The following LAMB3 variants were observed in gnomAD, a reference collection of about 807,000 sequenced individuals.
LAMB3 encodes laminin subunit beta 3, also known as laminin subunit beta-3.
A neutral mutation model predicts 140.3 loss-of-function variants in LAMB3; 104 were observed. The ratio of observed to expected loss-of-function variants is 0.74; its 90% confidence interval spans 0.63 to 0.87. The LOEUF is 0.87. Among genes scored for constraint, LAMB3 ranks in the 40% least tolerant of loss-of-function variants. The pLI is 0.00. For missense variants in LAMB3, 1,531 were observed against 1,575.2 expected, an observed-to-expected ratio of 0.97 and a Z score of 0.47; for synonymous variants, 592 against 602.9, an observed-to-expected ratio of 0.98 and a Z score of 0.26.
rs903363485 is a variant in LAMB3 at position 209,627,231 on chromosome 1, T to C, written c.1485+152A>G. 31 of 698,410 alleles carry C rather than the reference T, an allele frequency of 4.4e-5. No individual in the cohort carries two copies. The Admixed American group carries it at 7.0e-4, about 16-fold the overall frequency. 43.3% of individuals were successfully genotyped at this position (698,410 alleles called of 1,614,324 possible). ...GCCAAGAGCCACAGAGGGAGGGACA[T>C]CTGGTGACTTCCCCAAATGAGAACG... On this transcript the variant is annotated intron_variant, in intron 12 of 22. Coordinates refer to ENST00000356082, the MANE Select transcript of LAMB3 (RefSeq NM_000228.3).
At position 209,628,049 on chromosome 1, in the gene LAMB3, G is replaced by T. The variant is rs150917125; in HGVS notation, c.1274C>A (p.Pro425Gln). The T allele has an allele frequency of 6.2e-7, 1 of 1,605,888 alleles. No individual in the cohort carries two copies. ...CCCCTACTCACGGTGGCAGCCCTGC[G>T]GGTTGGCGTAGGTGAGTCCAGTGAA... ...PGFTGLTYAN[P>Q]QGCHRCDCNI... The change falls in exon 11 of 23, where the codon CCG becomes CAG. Residue 425 changes from proline to glutamine, a missense_variant. By Grantham distance (76) the Pro-to-Gln change is moderately conservative. Coordinates refer to ENST00000356082, the MANE Select transcript of LAMB3 (RefSeq NM_000228.3).
intron 18 of LAMB3, among the ~76,000 whole-genome samples, chr1:209,619,806 C>T (rs1186848334): frequency 6.6e-6 from 1 of 152,214 alleles, no homozygotes; most frequent in Non-Finnish European, 1.5e-5. Flanking sequence ...TCACACAGGT[C>T]TCATTCCCTG....
rs1483183175 is a variant in LAMB3 at position 209,632,750 on chromosome 1, C to G, written c.655G>C (p.Val219Leu). 1 of 1,614,218 alleles carries G rather than the reference C, an allele frequency of 6.2e-7. No individual in the cohort carries two copies. Among genetic ancestry groups the G allele is most frequent in the East Asian group, 2.2e-5 (1 of 44,874 alleles). The part of the protein sequence containing the change: ...QEVGEITNLR[V>L]NFTRLAPVPQ... ...ACAGGGGCCAGCCTGGTGAAATTGA[C>G]TCTCAAGTTTGTGATCTCCCCCACC... Residue 219 changes from valine (V) to leucine (L), a missense_variant, in exon 8 of 23, where the codon GTC (valine) becomes CTC (leucine). Coordinates refer to ENST00000356082, the MANE Select transcript of LAMB3 (RefSeq NM_000228.3).
At chr1:209,651,581 A>C (rs1314262756) in intron 1 of LAMB3, among the ~76,000 whole-genome samples, 3 of 152,156 alleles carry the variant, frequency 2.0e-5, no homozygotes, top group African/African-American at 7.2e-5. Flanking sequence ...GTCTTTAACA[A>C]GTGAGTGAGG....
chr1:209,625,813 T>C lies in LAMB3; in HGVS notation c.1811A>G (p.Asn604Ser), dbSNP rs1666419641. The C allele has an allele frequency of 6.2e-7, 1 of 1,614,122 alleles. No homozygotes were observed. The highest frequency in any genetic ancestry group is 1.3e-5 in the African/African-American group (1 of 75,066). The change falls in exon 14 of 23, where the codon AAT (asparagine) becomes AGT (serine). Residue 604 changes from asparagine (N) to serine (S), a missense_variant. Transcript: ENST00000356082. ...CCCTGACCACAGGCTGGCGGTGGCA[T>C]TGCGGAGTCTACCAAAGCGCAGGGC... ...EQALRFGRLRNATASLWSGPG... is the reference protein window; with the variant it reads ...EQALRFGRLRSATASLWSGPG...
At chr1:209,647,847 A>G (rs1443695969) in intron 3 of LAMB3, among the ~76,000 whole-genome samples, 2 of 152,228 alleles carry the variant, frequency 1.3e-5, no homozygotes, top group African/African-American at 2.4e-5. Flanking sequence ...GTGTTATAAG[A>G]ATTATTTGAG....
intron 3 of LAMB3, among the ~76,000 whole-genome samples, chr1:209,643,778 G>A (rs1050429832): frequency 4.6e-5 from 7 of 151,810 alleles, no homozygotes; most frequent in East Asian, 1.9e-4. Context: ...AGCTACGATC[G>A]GGTCATGGCC....
At chr1:209,627,683 AG>A in intron 11 of LAMB3, 104 bp from the exon 12 acceptor site, 1 of 1,086,260 alleles carries the variant, frequency 9.2e-7, no homozygotes, top group Non-Finnish European at 1.4e-6. Flanking sequence ...AGAACTGGGC[AG>A]GGCCCTTCCC....
At chr1:209,626,714 G>A (rs376082100) in intron 13 of LAMB3, among the ~76,000 whole-genome samples, 153 bp downstream of exon 13, 56 of 152,228 alleles carry the variant, frequency 3.7e-4, no homozygotes, top group Non-Finnish European at 6.0e-4. Flanking sequence ...CCAACAGGCC[G>A]GAGTGTGTGC....
In LAMB3 at chr1:209,629,730, T is replaced by A; in HGVS notation, c.1132+7A>T. The A allele has an allele frequency of 6.2e-7, 1 of 1,613,822 alleles. No homozygotes were observed. The highest frequency in any genetic ancestry group is 8.5e-7 in the Non-Finnish European group (1 of 1,179,736). Reference sequence around the variant, plus strand: ...TGACACTCTGGGACTCCGGAGCCTCTACTCACAGATGCAGGTCTCCTGAAT... The same window carrying A: ...TGACACTCTGGGACTCCGGAGCCTCAACTCACAGATGCAGGTCTCCTGAAT... On this transcript the variant is annotated splice_region_variant and intron_variant, in intron 10 of 22. Coordinates refer to ENST00000356082, the MANE Select transcript of LAMB3 (RefSeq NM_000228.3).
chr1:209,641,267 A>G (rs1196076988), intron 3 of LAMB3, among the ~76,000 whole-genome samples: 1 of 152,204 alleles, frequency 6.6e-6, no homozygotes, highest in Non-Finnish European at 1.5e-5. Context: ...GGGGTGGAAG[A>G]GTGAGTAGGT....
At chr1:209,618,928 G>T in intron 18 of LAMB3, 1 of 539,972 alleles carries the variant, frequency 1.9e-6, no homozygotes, top group East Asian at 3.3e-5. Flanking sequence ...TAAGTGTCTG[G>T]TGCCACAGGA....
At chr1:209,618,318 T>G (rs1666059410) in intron 19 of LAMB3, 134 bp downstream of exon 19, 1 of 966,600 alleles carries the variant, frequency 1.0e-6, no homozygotes, top group Non-Finnish European at 1.6e-6. Flanking sequence ...CTGGACTCTG[T>G]GTACCACTCT....
At chr1:209,644,382 C>T (rs968746034) in intron 3 of LAMB3, among the ~76,000 whole-genome samples, 4 of 152,202 alleles carry the variant, frequency 2.6e-5, no homozygotes, top group Non-Finnish European at 4.4e-5. Context: ...AATTACACTG[C>T]ACCAGCCTCA....
At chr1:209,629,960 C>A (rs745974696) in intron 9 of LAMB3, 35 bp from the exon 10 acceptor site, 1 of 1,599,288 alleles carries the variant, frequency 6.3e-7, no homozygotes, top group South Asian at 1.1e-5. Flanking sequence ...GACATCTGAC[C>A]CACACCTTTG....
At chr1:209,633,862 T>C (rs747903713) in intron 6 of LAMB3, among the ~76,000 whole-genome samples, 2 of 152,082 alleles carry the variant, frequency 1.3e-5, no homozygotes, top group African/African-American at 4.8e-5. Context: ...GGAAACGCAG[T>C]TATGAAAGAA....
rs1039342968 is a variant in LAMB3 at position 209,615,103 on chromosome 1, T to C, written c.*168A>G. The C allele has an allele frequency of 5.4e-6, 4 of 735,032 alleles. No individual in the cohort carries two copies. The highest frequency in any genetic ancestry group is 9.0e-6 in the Non-Finnish European group (4 of 445,968). The allele number at this position is 735,032 out of a possible 1,614,324, so 45.5% of individuals were successfully genotyped here. A position where few individuals can be genotyped will look rare whatever the true frequency, so the allele number is the denominator to read the frequency against. ...GTGTAACTGTCCCATTGGCTCAGGC[T>C]CAGCTGCAGCTCAGGGTAATCTTAC... On this transcript the variant is annotated 3_prime_UTR_variant, in exon 23 of 23. Coordinates refer to ENST00000356082, the MANE Select transcript of LAMB3 (RefSeq NM_000228.3).
At chr1:209,633,279 T>A in intron 6 of LAMB3, 146 bp from the exon 7 acceptor site, 1 of 717,544 alleles carries the variant, frequency 1.4e-6, no homozygotes, top group Non-Finnish European at 2.6e-6. Context: ...ATGAGGCTTG[T>A]CATCTGCTGT....
chr1:209,639,392 C>T (rs186418459), intron 3 of LAMB3, among the ~76,000 whole-genome samples: 1 of 152,242 alleles, frequency 6.6e-6, no homozygotes, highest in Admixed American at 6.5e-5. Context: ...ACATCTGGGG[C>T]GTGAGGATCT....
Sources: gnomAD v4.1 joint callset for allele counts (sites outside exome capture counted in the v4.1 genomes callset) on GRCh38, gnomAD v4.1.1 for gene constraint, MANE v1.5 for transcripts, NCBI Gene and HGNC (gene_info 2026-07-23, HGNC 2026-07-21) for gene names.